Variants in ATP11A observed in about 807,000 individuals in gnomAD.
ATP11A encodes ATPase phospholipid transporting 11A.
In ATP11A, 81 loss-of-function variants were observed where a neutral mutation model predicts 154.4. That is an observed-to-expected ratio of 0.52 (90% CI 0.44 to 0.63). The LOEUF is 0.63. Among genes scored for constraint, ATP11A ranks in the 30% least tolerant of loss-of-function variants. The probability of loss-of-function intolerance (pLI) is 0.00; values close to 1 mark genes in which losing one functional copy is unlikely to be tolerated. For missense variants in ATP11A, 1,316 were observed against 1,474.3 expected, an observed-to-expected ratio of 0.89 and a Z score of 1.76; for synonymous variants, 623 against 585.9, an observed-to-expected ratio of 1.06 and a Z score of -0.91.
At chr13:112,810,550 TCTCC>T in intron 4 of ATP11A, 65 bp from the exon 5 acceptor site, 5 of 1,301,662 alleles carry the variant, frequency 3.8e-6, no homozygotes, top group Non-Finnish European at 5.5e-6. Context: ...GCCTTCTGTC[TCTCC>T]CTCCCTTTCT....
intron 4 of ATP11A, among the ~76,000 whole-genome samples, chr13:112,809,561 T>G (rs2078429408): frequency 6.6e-6 from 1 of 152,048 alleles, no homozygotes; most frequent in South Asian, 2.1e-4. Context: ...TCAGCACACA[T>G]GCAGTGGGCC....
At chr13:112,723,285 T>TCCCCACCTCCCCCCCCCCC (rs146915840) in intron 1 of ATP11A, among the ~76,000 whole-genome samples, 1 of 11,396 alleles carries the variant, frequency 8.8e-5, no homozygotes, top group Non-Finnish European at 1.6e-4. Flanking sequence ...GCCACAGAGT[T>TCCCCACCTCCCCCCCCCCC]CCCCACCTCC....
chr13:112,833,178 C>T (rs1387298955), intron 14 of ATP11A, among the ~76,000 whole-genome samples, 155 bp downstream of exon 14: 2 of 152,200 alleles, frequency 1.3e-5, no homozygotes, highest in African/African-American at 4.8e-5. Context: ...CTCTGGACCC[C>T]CGTCCCTGTA....
At position 112,824,440 on chromosome 13, in the gene ATP11A, G is replaced by A. The variant is rs112622425; in HGVS notation, c.872+15G>A. 13,299 of 1,611,938 alleles carry A rather than the reference G, an allele frequency of 8.3e-3. 320 individuals carry two copies. The highest frequency in any genetic ancestry group is 0.073 in the East Asian group (3,253 of 44,856). ...GCCGTGGAAAAGTAAGGCTGGATGCGCGTGAGAACCTGCAACTTAAAAGTG... is the reference window on the plus strand; with the variant it reads ...GCCGTGGAAAAGTAAGGCTGGATGCACGTGAGAACCTGCAACTTAAAAGTG... On this transcript the variant is annotated intron_variant, in intron 10 of 29. Transcript: ENST00000375645.
intron 12 of ATP11A, 47 bp downstream of exon 12, chr13:112,826,938 G>A (rs990661990): frequency 1.2e-5 from 20 of 1,600,628 alleles, no homozygotes; most frequent in Non-Finnish European, 1.7e-5. Flanking sequence ...ACATCTGGGT[G>A]AGTCTGCTTC....
chr13:112,761,633 C>G (rs77208498), intron 1 of ATP11A, among the ~76,000 whole-genome samples: 1 of 51,812 alleles, frequency 1.9e-5, no homozygotes, highest in Admixed American at 2.0e-4. Context: ...ATTCAGGAGT[C>G]CCCTGGGGTC....
At chr13:112,693,172 T>C (rs1189987343) in intron 1 of ATP11A, among the ~76,000 whole-genome samples, 3 of 152,226 alleles carry the variant, frequency 2.0e-5, no homozygotes, top group Non-Finnish European at 2.9e-5. Context: ...AGCCAGGTAC[T>C]CCACACTGTG....
intron 1 of ATP11A, among the ~76,000 whole-genome samples, chr13:112,779,431 G>C (rs1043188776): frequency 6.6e-6 from 1 of 151,976 alleles, no homozygotes; most frequent in East Asian, 1.9e-4. Context: ...GTAGCCGCTG[G>C]AGTGAGGAGT....
chr13:112,832,791 G>T, intron 13 of ATP11A, 69 bp from the exon 14 acceptor site: 2 of 1,553,138 alleles, frequency 1.3e-6, no homozygotes, highest in Non-Finnish European at 8.8e-7. Flanking sequence ...TTATCTCTCT[G>T]CGCCTGTTTC....
intron 2 of ATP11A, among the ~76,000 whole-genome samples, chr13:112,799,180 A>G (rs2078072264): frequency 6.6e-6 from 1 of 152,264 alleles, no homozygotes; most frequent in Non-Finnish European, 1.5e-5. Context: ...AGAACTGGAA[A>G]GAGAAAGAAA....
intron 8 of ATP11A, among the ~76,000 whole-genome samples, chr13:112,822,986 G>A (rs1164375476): frequency 6.6e-6 from 1 of 152,044 alleles, no homozygotes; most frequent in Non-Finnish European, 1.5e-5. Flanking sequence ...TGCTGCTGAC[G>A]GCACTGGTGG....
chr13:112,740,210 C>T (rs1164142125), intron 1 of ATP11A, among the ~76,000 whole-genome samples: 8 of 151,764 alleles, frequency 5.3e-5, no homozygotes, highest in Admixed American at 6.6e-5. Flanking sequence ...GACGGAGTCT[C>T]GCTCTGTTGC....
rs1566604633 is a variant in ATP11A at position 112,875,485 on chromosome 13, G to GT, written c.3162-285dup. On this transcript the variant is annotated intron_variant, in intron 27 of 29. Coordinates refer to ENST00000375645, the MANE Select transcript of ATP11A (RefSeq NM_015205.3). The surrounding 1 kb of genome is among the most constrained non-coding windows in gnomAD (Gnocchi z 4.1). ...CCCTATTTCAATCCCTTTGTGTTTT[G>GT]TTTTTTGTTTTTTTTTTTTTTGCTT... is the stretch of plus-strand genomic sequence containing the variant. Among the ~76,000 whole-genome samples, 1 of 80,094 alleles carries GT rather than the reference G, an allele frequency of 1.2e-5. No individual in the cohort carries two copies. The highest frequency in any genetic ancestry group is 5.8e-4 in the South Asian group (1 of 1,722). 52.5% of individuals were successfully genotyped at this position (80,094 alleles called of 152,430 possible).
rs1320781699 is a variant in ATP11A, at chr13:112,875,615, C to A, written c.3162-161C>A. Among the ~76,000 whole-genome samples the A allele has an allele frequency of 2.6e-5, 4 of 151,768 alleles. No individual in the cohort carries two copies. Among genetic ancestry groups the A allele is most frequent in the Non-Finnish European group, 5.9e-5 (4 of 67,972 alleles). The stretch of plus-strand genomic sequence containing the variant: ...CAGCATTACCGGGAGGTTCAGTGTT[C>A]ATTTTTTATATGATAAATTCAGAGC... On this transcript the variant is annotated intron_variant, in intron 27 of 29. Transcript: ENST00000375645. This position sits in a 1 kb window ranked among gnomAD's most constrained non-coding sequence, Gnocchi z 4.1.
intron 25 of ATP11A, among the ~76,000 whole-genome samples, chr13:112,864,097 T>A (rs1468842369): frequency 9.9e-5 from 8 of 80,472 alleles, no homozygotes; most frequent in Admixed American, 1.5e-4. Flanking sequence ...CTCAGCGGGG[T>A]CCATCACCAC....
At chr13:112,805,238 C>T (rs977101129) in intron 3 of ATP11A, among the ~76,000 whole-genome samples, 192 bp downstream of exon 3, 2 of 152,234 alleles carry the variant, frequency 1.3e-5, no homozygotes, top group African/African-American at 2.4e-5. Context: ...CTAAACTACA[C>T]ACGACGCTAC....
At position 112,690,376 on chromosome 13, in the gene ATP11A, C is replaced by T. The variant is rs1324548379; in HGVS notation, c.-41C>T. On this transcript the variant is annotated 5_prime_UTR_variant, in exon 1 of 30. Coordinates refer to ENST00000375645, the MANE Select transcript of ATP11A (RefSeq NM_015205.3). This position sits in a 1 kb window ranked among gnomAD's most constrained non-coding sequence, Gnocchi z 5.6. ...GCCCATGGGCGCGCCGAGCCGGGCG[C>T]GGGGGCGCTGAACGGCGGAGCGGGA... The T allele has an allele frequency of 4.8e-6, 6 of 1,258,922 alleles. No homozygotes were observed. Among genetic ancestry groups the T allele is most frequent in the Middle Eastern group, 2.9e-4 (1 of 3,396 alleles). The allele number at this position is 1,258,922 out of a possible 1,614,324, so 78.0% of individuals were successfully genotyped here.
chr13:112,722,913 C>T (rs1177386375), intron 1 of ATP11A, among the ~76,000 whole-genome samples: 3 of 151,586 alleles, frequency 2.0e-5, no homozygotes, highest in Admixed American at 6.6e-5. Context: ...GTAAAGTAGG[C>T]GGATTCAGAA....
intron 1 of ATP11A, among the ~76,000 whole-genome samples, chr13:112,707,461 A>G (rs1194039479): frequency 6.6e-6 from 1 of 151,188 alleles, no homozygotes; most frequent in Non-Finnish European, 1.5e-5. Flanking sequence ...AGAGGAGACG[A>G]GGGCCTTGAA....
Sources: gnomAD v4.1 joint callset for allele counts (sites outside exome capture counted in the v4.1 genomes callset) on GRCh38, gnomAD v4.1.1 for gene constraint, Gnocchi (gnomAD v3.1) non-coding constraint, MANE v1.5 for transcripts, NCBI Gene and HGNC (gene_info 2026-07-23, HGNC 2026-07-21) for gene names.